The following ACMSD variants were observed in gnomAD, a reference collection of about 807,000 sequenced individuals.
ACMSD encodes the protein 2-amino-3-carboxymuconate-6-semialdehyde decarboxylase.
In ACMSD, 37 loss-of-function variants were observed where a neutral mutation model predicts 45.9. The observed-to-expected ratio is 0.81, with a 90% CI of 0.62 to 1.06. The LOEUF (loss-of-function observed/expected upper bound fraction) is 1.06, where lower values mean the gene tolerates loss of function less well. ACMSD is among the 50% of genes least tolerant of loss of function. The probability of loss-of-function intolerance (pLI) is 0.00; values close to 1 mark genes in which losing one functional copy is unlikely to be tolerated. For missense variants in ACMSD, 434 were observed against 420.9 expected (o/e 1.03, Z -0.27); for synonymous variants, 138 against 148.8 (o/e 0.93, Z 0.53).
chr2:134,876,247 T>A (rs1559058305), intron 8 of ACMSD, among the ~76,000 whole-genome samples: 1 of 152,274 alleles, frequency 6.6e-6, no homozygotes, highest in Admixed American at 6.5e-5. Context: ...CTAAATTTTT[T>A]AAAAATTTTC....
intron 8 of ACMSD, chr2:134,873,457 A>G (rs1189884865): frequency 6.6e-6 from 1 of 152,206 alleles, no homozygotes; most frequent in Non-Finnish European, 1.5e-5. Flanking sequence ...AGATTTCCAC[A>G]TTTTCCCAAG....
At chr2:134,885,301 ATT>A (rs1435958222) in intron 8 of ACMSD, among the ~76,000 whole-genome samples, 1 of 85,226 alleles carries the variant, frequency 1.2e-5, no homozygotes, top group Admixed American at 2.0e-4. Flanking sequence ...TTATATATAT[ATT>A]TAAATATATA....
chr2:134,890,827 CTGTCAGTTTGAA>C (rs1689741870), intron 8 of ACMSD, among the ~76,000 whole-genome samples: 1 of 151,908 alleles, frequency 6.6e-6, no homozygotes, highest in African/African-American at 2.4e-5. Context: ...TGCAACATTT[CTGTCAGTTTGAA>C]ATTCTGCCAA....
chr2:134,869,828 C>T (rs1218102288), intron 6 of ACMSD, among the ~76,000 whole-genome samples: 1 of 152,110 alleles, frequency 6.6e-6, no homozygotes, highest in Non-Finnish European at 1.5e-5. Flanking sequence ...ATCCAATTCA[C>T]ATTATGAACG....
intron 8 of ACMSD, among the ~76,000 whole-genome samples, chr2:134,878,760 T>C (rs1242443853): frequency 6.6e-6 from 1 of 152,242 alleles, no homozygotes; most frequent in Non-Finnish European, 1.5e-5. Context: ...TTTACTTTCC[T>C]TTTTTATATC....
intron 6 of ACMSD, chr2:134,869,168 A>G (rs567314050): frequency 6.6e-6 from 1 of 152,054 alleles, no homozygotes; most frequent in South Asian, 2.1e-4. Context: ...GAAAAATGTC[A>G]CCCTTATTCA....
At chr2:134,896,886 T>C (rs1690184473) in intron 8 of ACMSD, among the ~76,000 whole-genome samples, 1 of 152,132 alleles carries the variant, frequency 6.6e-6, no homozygotes, top group African/African-American at 2.4e-5. Flanking sequence ...TTATGTGAAA[T>C]GTACCAACCA....
intron 6 of ACMSD, 56 bp from the exon 7 acceptor site, chr2:134,870,909 G>C: frequency 6.8e-7 from 1 of 1,475,208 alleles, no homozygotes; most frequent in Non-Finnish European, 9.4e-7. Context: ...TAACATCACT[G>C]AATTCTTCTT....
At chr2:134,852,075 C>G (rs1289285567) in intron 2 of ACMSD, among the ~76,000 whole-genome samples, 1 of 152,058 alleles carries the variant, frequency 6.6e-6, no homozygotes, top group Non-Finnish European at 1.5e-5. Flanking sequence ...AAACGGCACA[C>G]TTAAATTAGA....
chr2:134,861,304 C>A lies in ACMSD; in HGVS notation c.200-665C>A, dbSNP rs1054365692. ...AGACTTGAATGACTGGTGTCAGAAACCACTACTTACGGCTGCACGGTAAAC... is the reference window on the plus strand; with the variant it reads ...AGACTTGAATGACTGGTGTCAGAAAACACTACTTACGGCTGCACGGTAAAC... On this transcript the variant is annotated intron_variant, in intron 3 of 9. Transcript: ENST00000356140. Among the ~76,000 whole-genome samples, 8 of 152,238 alleles carry A rather than the reference C, an allele frequency of 5.3e-5. No homozygotes were observed. In the East Asian group the frequency reaches 1.5e-3, roughly 29 times the overall value.
chr2:134,891,062 A>G (rs1220296047), intron 8 of ACMSD, among the ~76,000 whole-genome samples: 3 of 152,014 alleles, frequency 2.0e-5, no homozygotes, highest in Non-Finnish European at 4.4e-5. Flanking sequence ...CGGTTTTCAA[A>G]TATTTTCTCC....
chr2:134,885,292 T>TATACATA (rs1553515549), intron 8 of ACMSD, among the ~76,000 whole-genome samples: 1 of 99,632 alleles, frequency 1.0e-5, no homozygotes, highest in Non-Finnish European at 1.8e-5. Context: ...ATATTATATT[T>TATACATA]ATATATATAT....
rs964631433 is a variant in ACMSD at position 134,847,111 on chromosome 2, G to A, written c.102+1834G>A. On this transcript the variant is annotated intron_variant, in intron 2 of 9. Coordinates refer to ENST00000356140, the MANE Select transcript of ACMSD (RefSeq NM_138326.3). ...GTAGGCAGAGGCCCAGCCACATGGG[G>A]ACTTGCAGGGCACGCTAAAGAGTCT... Among the ~76,000 whole-genome samples the A allele has an allele frequency of 5.9e-5, 9 of 152,296 alleles. No homozygotes were observed. The East Asian group carries it at 1.2e-3, about 20-fold the overall frequency.
chr2:134,863,536 C>T lies in ACMSD; in HGVS notation c.391C>T (p.Arg131Cys), dbSNP rs939826275. ...APELAVKEMERCVKELGFPGV... is the reference protein window; with the variant it reads ...APELAVKEMECCVKELGFPGV... ...TGAGCTGGCGGTCAAGGAGATGGAG[C>T]GCTGTGTGAAAGAGCTGGGCTTTCC... The change falls in exon 5 of 10, where the codon CGC (arginine) becomes TGC (cysteine). Residue 131 changes from arginine to cysteine, a missense_variant. By Grantham distance (180) the Arg-to-Cys change is radical (BLOSUM62 -3). Coordinates refer to ENST00000356140, the MANE Select transcript of ACMSD (RefSeq NM_138326.3). The T allele has an allele frequency of 5.0e-6, 8 of 1,614,180 alleles. No individual in the cohort carries two copies. The highest frequency in any genetic ancestry group is 1.6e-4 in the Middle Eastern group (1 of 6,062).
intron 6 of ACMSD, 118 bp downstream of exon 6, chr2:134,867,790 T>C (rs1026278489): frequency 6.9e-6 from 5 of 724,978 alleles, no homozygotes; most frequent in African/African-American, 5.3e-5. Flanking sequence ...TTATGAGTAA[T>C]AGCAGCTATC....
intron 8 of ACMSD, among the ~76,000 whole-genome samples, chr2:134,876,429 T>A (rs1161871715): frequency 6.6e-6 from 1 of 152,194 alleles, no homozygotes; most frequent in Non-Finnish European, 1.5e-5. Flanking sequence ...AAAGAGAATT[T>A]TTTTTTGCTT....
At chr2:134,873,593 C>T (rs1688580392) in intron 8 of ACMSD, 1 of 152,144 alleles carries the variant, frequency 6.6e-6, no homozygotes, top group African/African-American at 2.4e-5. Flanking sequence ...TTGAAAGTTG[C>T]AAGTAGTGGT....
chr2:134,842,574 C>A (rs1350167434), intron 1 of ACMSD, among the ~76,000 whole-genome samples: 2 of 152,120 alleles, frequency 1.3e-5, no homozygotes, highest in African/African-American at 4.8e-5. Flanking sequence ...ACTACTTCAG[C>A]CACACCACTA....
At chr2:134,892,785 C>A (rs1689873002) in intron 8 of ACMSD, among the ~76,000 whole-genome samples, 1 of 152,108 alleles carries the variant, frequency 6.6e-6, no homozygotes, top group African/African-American at 2.4e-5. Flanking sequence ...GCCAAGAGAG[C>A]AAAAGCAAGA....
Sources: gnomAD v4.1 joint callset for allele counts (sites outside exome capture counted in the v4.1 genomes callset) on GRCh38, gnomAD v4.1.1 for gene constraint, MANE v1.5 for transcripts, NCBI Gene and HGNC (gene_info 2026-07-23, HGNC 2026-07-21) for gene names.